The following SLBP variants were observed in gnomAD, a reference collection of about 807,000 sequenced individuals.
SLBP encodes histone RNA hairpin-binding protein.
Under a neutral mutation model 39.2 loss-of-function variants are expected in SLBP, and 29 were observed. That is an observed-to-expected ratio of 0.74 (90% confidence interval 0.55 to 1.01). SLBP has a LOEUF of 1.01. Ranked by LOEUF, SLBP falls within the 50% of genes least tolerant of loss-of-function variation. The probability of loss-of-function intolerance (pLI) is 0.00; values close to 1 mark genes in which losing one functional copy is unlikely to be tolerated. For synonymous variants in SLBP, 129 were observed against 118.7 expected (o/e 1.09, Z -0.57); for missense variants, 390 against 350.2 (o/e 1.11, Z -0.91).
At chr4:1,705,821 T>C (rs1369780311) in intron 2 of SLBP, among the ~76,000 whole-genome samples, 2 of 152,126 alleles carry the variant, frequency 1.3e-5, no homozygotes, top group African/African-American at 4.8e-5. Flanking sequence ...TGGAACGTCA[T>C]CTCCAAAATA....
chr4:1,709,406 C>T (rs1380045572), intron 2 of SLBP, among the ~76,000 whole-genome samples: 1 of 152,184 alleles, frequency 6.6e-6, no homozygotes, highest in African/African-American at 2.4e-5. Context: ...GCTCTCTTAT[C>T]TGTAAACAGT....
chr4:1,699,827 CTAAA>C, intron 4 of SLBP, 126 bp from the exon 5 acceptor site: 1 of 956,040 alleles, frequency 1.0e-6, no homozygotes, highest in Non-Finnish European at 1.6e-6. Context: ...CATATGAATC[CTAAA>C]TAGTCCGGAG....
intron 7 of SLBP, among the ~76,000 whole-genome samples, chr4:1,694,515 C>A (rs1716034590): frequency 6.6e-6 from 1 of 152,078 alleles, no homozygotes; most frequent in African/African-American, 2.4e-5. Context: ...CCTCAGCCTC[C>A]TGAGTAGCAC....
chr4:1,704,475 A>C (rs368837706), intron 2 of SLBP, among the ~76,000 whole-genome samples: 23 of 152,276 alleles, frequency 1.5e-4, no homozygotes, highest in African/African-American at 5.3e-4. Context: ...TACCAATGTC[A>C]ATGTTGACAG....
At chr4:1,700,229 T>TTACGGCAACCACC in intron 3 of SLBP, 159 bp from the exon 4 acceptor site, 1 of 430,974 alleles carries the variant, frequency 2.3e-6, no homozygotes, top group South Asian at 6.1e-5. Flanking sequence ...GTTTAAGTAG[T>TTACGGCAACCACC]GAGATCCACA....
intron 3 of SLBP, among the ~76,000 whole-genome samples, chr4:1,701,416 C>T (rs1008341188): frequency 3.3e-5 from 5 of 151,936 alleles, no homozygotes; most frequent in South Asian, 2.1e-4. Flanking sequence ...CAAAGTACTG[C>T]GATTACAGGT....
At position 1,711,890 on chromosome 4, in the gene SLBP, C is replaced by T; in HGVS notation, c.160G>A (p.Glu54Lys). Residue 54 changes from glutamate (E) to lysine (K), a missense_variant, in exon 2 of 8, where the codon GAG becomes AAG. By Grantham distance (56) the Glu-to-Lys change is moderately conservative. Transcript: ENST00000489418. ...DAEEAEHRGAERRPESFTTPE... is the reference protein window; with the variant it reads ...DAEEAEHRGAKRRPESFTTPE... Reference sequence around the variant, plus strand: ...CGCGCCCACCTCTCGGGTCTGCGCTCGGCGCCGCGGTGCTCTGCCTCCTCG... The same window carrying T: ...CGCGCCCACCTCTCGGGTCTGCGCTTGGCGCCGCGGTGCTCTGCCTCCTCG... 7.4e-7 allele frequency: 1 copy of T among 1,357,466 alleles called. No homozygotes were observed. Among genetic ancestry groups the T allele is most frequent in the East Asian group, 3.1e-5 (1 of 32,458 alleles). The allele number at this position is 1,357,466 out of a possible 1,614,324, so 84.1% of individuals were successfully genotyped here.
intron 2 of SLBP, among the ~76,000 whole-genome samples, chr4:1,709,257 G>A (rs1023134038): frequency 6.6e-6 from 1 of 151,964 alleles, no homozygotes; most frequent in Non-Finnish European, 1.5e-5. Flanking sequence ...GAGATGGGGT[G>A]TTGGGAAAAA....
At chr4:1,699,942 C>T (rs900421446) in intron 4 of SLBP, 69 bp downstream of exon 4, 7 of 1,129,382 alleles carry the variant, frequency 6.2e-6, no homozygotes, top group African/African-American at 1.6e-5. Flanking sequence ...TTCTGACAGT[C>T]ACAATTTTTT....
At chr4:1,706,181 G>A (rs958427051) in intron 2 of SLBP, among the ~76,000 whole-genome samples, 13 of 152,158 alleles carry the variant, frequency 8.5e-5, no homozygotes, top group African/African-American at 2.9e-4. Flanking sequence ...AGCTACTAGG[G>A]AGGCTGAGGC....
At chr4:1,699,479 T>A (rs1432749546) in intron 5 of SLBP, 85 bp downstream of exon 5, 1 of 1,320,454 alleles carries the variant, frequency 7.6e-7, no homozygotes, top group African/African-American at 1.4e-5. Context: ...ATCCCCAGCA[T>A]CATTTGTACT....
At chr4:1,700,155 G>T in intron 3 of SLBP, 85 bp from the exon 4 acceptor site, 1 of 840,438 alleles carries the variant, frequency 1.2e-6, no homozygotes. Flanking sequence ...CCTGATGCCC[G>T]CAGGCACACC....
At chr4:1,697,639 G>A (rs370281524) in intron 5 of SLBP, among the ~76,000 whole-genome samples, 27 of 151,874 alleles carry the variant, frequency 1.8e-4, no homozygotes, top group Non-Finnish European at 1.3e-4. Context: ...TCAGGAGTTC[G>A]AGACCAGCCT....
chr4:1,707,896 T>C (rs911638670), intron 2 of SLBP, among the ~76,000 whole-genome samples: 4 of 151,982 alleles, frequency 2.6e-5, no homozygotes, highest in Admixed American at 6.6e-5. Context: ...CTGACAAACA[T>C]GGTGAAATCT....
intron 3 of SLBP, among the ~76,000 whole-genome samples, chr4:1,700,283 A>G (rs547874106): frequency 1.3e-5 from 2 of 152,290 alleles, no homozygotes; most frequent in Admixed American, 6.5e-5. Flanking sequence ...CCTTAAAAAA[A>G]GAAAAACAAA....
At chr4:1,698,743 C>T (rs1213360465) in intron 5 of SLBP, among the ~76,000 whole-genome samples, 2 of 151,740 alleles carry the variant, frequency 1.3e-5, no homozygotes, top group Non-Finnish European at 2.9e-5. Context: ...CTCGGCCTCC[C>T]AAAGTGCTGG....
At chr4:1,711,026 G>GT (rs1401539942) in intron 2 of SLBP, among the ~76,000 whole-genome samples, 1 of 141,468 alleles carries the variant, frequency 7.1e-6, no homozygotes, top group African/African-American at 2.7e-5. Flanking sequence ...ACTCCAGCCT[G>GT]TGAGACAGAG....
chr4:1,699,185 G>A (rs994142758), intron 5 of SLBP, among the ~76,000 whole-genome samples: 2 of 152,178 alleles, frequency 1.3e-5, no homozygotes, highest in Non-Finnish European at 2.9e-5. Flanking sequence ...GGATAGGCAA[G>A]AACATGCTGC....
rs1358137650 is a variant in SLBP at position 1,712,231 on chromosome 4, C to A, written c.-43G>T. ...GCGCAGCGCAGGGCCGAGGCTGAGG[C>A]GGCGGCGGCGCGGGCAGAGAGCGCA... On this transcript the variant is annotated 5_prime_UTR_variant, in exon 1 of 8. Coordinates refer to ENST00000489418, the MANE Select transcript of SLBP (RefSeq NM_006527.4). The A allele has an allele frequency of 2.5e-6, 3 of 1,184,140 alleles. No individual in the cohort carries two copies. The highest frequency in any genetic ancestry group is 3.2e-6 in the Non-Finnish European group (3 of 929,180). The allele number at this position is 1,184,140 out of a possible 1,614,324, so 73.4% of individuals were successfully genotyped here.
Sources: gnomAD v4.1 joint callset for allele counts (sites outside exome capture counted in the v4.1 genomes callset) on GRCh38, gnomAD v4.1.1 for gene constraint, MANE v1.5 for transcripts, NCBI Gene and HGNC (gene_info 2026-07-23, HGNC 2026-07-21) for gene names.